Variants in SKP2 observed in about 807,000 individuals in gnomAD.
The protein encoded by SKP2 is S-phase kinase associated protein 2.
Under a neutral mutation model 51.8 loss-of-function variants are expected in SKP2, and 16 were observed. The ratio of observed to expected loss-of-function variants is 0.31; its 90% confidence interval spans 0.21 to 0.47. SKP2 has a LOEUF of 0.47. Ranked by LOEUF, SKP2 falls within the 20% of genes least tolerant of loss-of-function variation. SKP2 has a pLI of 1.00. For synonymous variants in SKP2, 176 were observed against 198.6 expected (o/e 0.89, Z 0.96); for missense variants, 377 against 505.3 (o/e 0.75, Z 2.43).
At chr5:36,167,738 C>T (rs1486992494) in intron 4 of SKP2, among the ~76,000 whole-genome samples, 1 of 152,070 alleles carries the variant, frequency 6.6e-6, no homozygotes, top group Non-Finnish European at 1.5e-5. Context: ...CTGCCTCAGC[C>T]TCTCGAGCAC....
intron 2 of SKP2, 84 bp from the exon 3 acceptor site, chr5:36,163,561 A>G (rs551686170): frequency 2.3e-5 from 18 of 776,966 alleles, no homozygotes; most frequent in Non-Finnish European, 4.1e-5. Flanking sequence ...TAAATGTTGT[A>G]TATTCTTTAT....
chr5:36,189,631 C>T (rs1404383935), intron 6 of SKP2, among the ~76,000 whole-genome samples: 1 of 152,224 alleles, frequency 6.6e-6, no homozygotes, highest in African/African-American at 2.4e-5. Context: ...TCTGCCCCTA[C>T]TGGGATGTGC....
At chr5:36,191,588 A>C (rs1746025692) in intron 6 of SKP2, among the ~76,000 whole-genome samples, 1 of 152,160 alleles carries the variant, frequency 6.6e-6, no homozygotes, top group South Asian at 2.1e-4. Flanking sequence ...TTTCTGGATA[A>C]AGCGCTTGTG....
chr5:36,176,926 C>T (rs2112002800), intron 7 of SKP2, 39 bp from the exon 8 acceptor site: 3 of 1,352,598 alleles, frequency 2.2e-6, no homozygotes, highest in Non-Finnish European at 3.1e-6. Flanking sequence ...TCTTGTTCCT[C>T]ATTTAATAGT....
At chr5:36,172,525 C>T (rs1745507400) in intron 7 of SKP2, among the ~76,000 whole-genome samples, 1 of 152,162 alleles carries the variant, frequency 6.6e-6, no homozygotes, top group South Asian at 2.1e-4. Context: ...AGTTTGTGGG[C>T]TCTACAAAAC....
At chr5:36,166,279 C>G (rs908809465) in intron 3 of SKP2, among the ~76,000 whole-genome samples, 1 of 152,156 alleles carries the variant, frequency 6.6e-6, no homozygotes, top group Non-Finnish European at 1.5e-5. Context: ...ATTGAACCAT[C>G]TAAATTGGAA....
rs543583443 is a variant in SKP2, at chr5:36,183,302, T to C, written c.*1271T>C. On this transcript the variant is annotated 3_prime_UTR_variant, in exon 10 of 10. Coordinates refer to ENST00000274255, the MANE Select transcript of SKP2 (RefSeq NM_005983.4). ...TTTTTTTTGAGACGGAGTCTCGCTC[T>C]GTCACCAAGGCCGGAGTGCAGTGGT... 3.1e-4 allele frequency: 204 copies of C among 652,806 alleles called. No individual in the cohort carries two copies. The African/African-American group carries it at 3.8e-3, about 12-fold the overall frequency. 40.4% of individuals were successfully genotyped at this position (652,806 alleles called of 1,614,324 possible).
intron 2 of SKP2, 76 bp downstream of exon 2, chr5:36,153,118 A>C: frequency 7.0e-7 from 1 of 1,431,304 alleles, no homozygotes; most frequent in Non-Finnish European, 9.6e-7. Flanking sequence ...CTTTGTTCAG[A>C]GATCTTTAGC....
chr5:36,152,235 ATT>A lies in SKP2; in HGVS notation c.-25_-24del. On this transcript the variant is annotated 5_prime_UTR_variant, in exon 1 of 10. An upstream open reading frame in the 5' UTR loses its in-frame stop. Transcript: ENST00000274255. ...GAGCAGCTCTGCAGTTAATGCACGT[ATT>A]TTAAACTCCCGGGCCTGCGGACGCT... 6.2e-7 allele frequency: 1 copy of A among 1,613,552 alleles called. No individual in the cohort carries two copies. The highest frequency in any genetic ancestry group is 1.1e-5 in the South Asian group (1 of 91,076).
downstream of SKP2, among the ~76,000 whole-genome samples, chr5:36,185,120 T>C (rs1192232095): frequency 2.0e-5 from 3 of 152,228 alleles, no homozygotes; most frequent in African/African-American, 7.2e-5. Context: ...GTTTTTTTCT[T>C]GTAAATTTGT....
In SKP2 at chr5:36,184,068, CT is replaced by C; in HGVS notation, c.*2044del. On this transcript the variant is annotated 3_prime_UTR_variant, in exon 10 of 10. Coordinates refer to ENST00000274255, the MANE Select transcript of SKP2 (RefSeq NM_005983.4). The stretch of plus-strand genomic sequence containing the variant: ...TAAGTTGTATTCCTTTTTTCTTTCT[CT>C]TTTTTTAAGTGCTGTGGTTAAAATT... 3.2e-6 allele frequency: 3 copies of C among 949,888 alleles called. No homozygotes were observed. Among genetic ancestry groups the C allele is most frequent in the South Asian group, 1.7e-5 (1 of 57,862 alleles). The allele number at this position is 949,888 out of a possible 1,614,324, so 58.8% of individuals were successfully genotyped here.
intron 1 of SKP2, 141 bp from the exon 2 acceptor site, chr5:36,152,625 ACTCGC>A (rs1281377660): frequency 2.5e-6 from 2 of 796,630 alleles, no homozygotes; most frequent in Non-Finnish European, 4.0e-6. Flanking sequence ...TTTCTTGGTA[ACTCGC>A]CGCAGGCACA....
At chr5:36,156,160 CAG>C (rs1050923550) in intron 2 of SKP2, among the ~76,000 whole-genome samples, 8 of 152,152 alleles carry the variant, frequency 5.3e-5, no homozygotes, top group African/African-American at 1.9e-4. Context: ...GGACTTACAA[CAG>C]AGATTGCTTA....
At chr5:36,165,780 A>G (rs574904178) in intron 3 of SKP2, among the ~76,000 whole-genome samples, 2 of 152,304 alleles carry the variant, frequency 1.3e-5, no homozygotes, top group South Asian at 2.1e-4. Context: ...ATGTGCTTAT[A>G]TTTCACATTT....
downstream of SKP2, among the ~76,000 whole-genome samples, chr5:36,186,176 T>C (rs1745953916): frequency 1.3e-5 from 2 of 152,224 alleles, no homozygotes; most frequent in Non-Finnish European, 2.9e-5. Context: ...GTTTTCTAAA[T>C]ATACAATCAT....
At chr5:36,153,869 A>G (rs1345822628) in intron 2 of SKP2, among the ~76,000 whole-genome samples, 3 of 152,190 alleles carry the variant, frequency 2.0e-5, no homozygotes, top group South Asian at 4.1e-4. Flanking sequence ...ACCCTGGAGT[A>G]TGCAAAAGCC....
chr5:36,185,809 T>TG (rs1330057305), downstream of SKP2, among the ~76,000 whole-genome samples: 3 of 152,220 alleles, frequency 2.0e-5, no homozygotes, highest in African/African-American at 4.8e-5. Context: ...GGTAGCTTGA[T>TG]GGGGATGGCA....
downstream of SKP2, among the ~76,000 whole-genome samples, chr5:36,187,969 G>A (rs958368651): frequency 2.0e-5 from 3 of 152,244 alleles, no homozygotes; most frequent in Non-Finnish European, 4.4e-5. Flanking sequence ...TTGTTGAATT[G>A]ATCCCTTTAC....
chr5:36,189,075 T>G (rs1221167345), downstream of SKP2, among the ~76,000 whole-genome samples: 4 of 152,214 alleles, frequency 2.6e-5, no homozygotes, highest in Admixed American at 2.6e-4. Context: ...TTCAGCTCCA[T>G]CAGGTTATTT....
Sources: allele counts gnomAD v4.1 joint callset (sites outside exome capture counted in the v4.1 genomes callset), GRCh38; gene constraint gnomAD v4.1.1; transcripts MANE v1.5; gene names NCBI Gene and HGNC (gene_info 2026-07-23, HGNC 2026-07-21).